Variants in ATM observed in about 807,000 individuals in gnomAD.
ATM encodes ATM serine/threonine kinase.
Under a neutral mutation model 387.0 loss-of-function variants are expected in ATM, and 308 were observed. The observed-to-expected ratio is 0.80, with a 90% confidence interval of 0.73 to 0.87. ATM has a LOEUF of 0.87. ATM is among the 40% of genes least tolerant of loss of function. The pLI is 0.00. For synonymous variants in ATM, 1,156 were observed against 1,187.3 expected, an observed-to-expected ratio of 0.97 and a Z score of 0.54; for missense variants, 3,312 against 3,560.9, an observed-to-expected ratio of 0.93 and a Z score of 1.78.
At chr11:108,248,378 T>A (rs2135282735) in intron 8 of ATM, among the ~76,000 whole-genome samples, 1 of 152,354 alleles carries the variant, frequency 6.6e-6, no homozygotes, top group South Asian at 2.1e-4. Flanking sequence ...TTAGTGCTTT[T>A]AGTAAATGTT....
At chr11:108,281,714 A>G (rs888234483) in intron 24 of ATM, among the ~76,000 whole-genome samples, 9 of 152,180 alleles carry the variant, frequency 5.9e-5, no homozygotes, top group Non-Finnish European at 1.2e-4. Flanking sequence ...TTCCATTGCA[A>G]ATTTTTATGT....
chr11:108,331,177 G>T, intron 50 of ATM: 1 of 1,132,552 alleles, frequency 8.8e-7, no homozygotes. Context: ...TAGATTTTTT[G>T]GAATATAAAC....
chr11:108,334,375 G>A lies in ATM; in HGVS notation c.8010+407G>A, dbSNP rs4988131. ...ATATATCACAGTATTAAGTAATATA[G>A]TATGTATTATTATAATATTAAGCTG... On this transcript the variant is annotated intron_variant, in intron 54 of 62. Coordinates refer to ENST00000675843, the MANE Select transcript of ATM (RefSeq NM_000051.4). Among the ~76,000 whole-genome samples the A allele has an allele frequency of 4.2e-3, 638 of 152,242 alleles. 6 individuals carry two copies. In the South Asian group the frequency reaches 0.046, roughly 11 times the overall value.
At chr11:108,273,349 TTTTTTTTTTG>T (rs2081726557) in intron 22 of ATM, among the ~76,000 whole-genome samples, 1 of 139,378 alleles carries the variant, frequency 7.2e-6, no homozygotes, top group Admixed American at 7.1e-5. Context: ...TTTTTTTTTT[TTTTTTTTTTG>T]AGATGGAGTT....
intron 61 of ATM, 178 bp downstream of exon 61, chr11:108,355,052 T>G: frequency 1.6e-6 from 1 of 612,900 alleles, no homozygotes; most frequent in Non-Finnish European, 2.9e-6. Context: ...AATACTGGTT[T>G]AGAAATGCCT....
At chr11:108,228,495 A>G (rs986910906) in intron 3 of ATM, among the ~76,000 whole-genome samples, 1 of 152,238 alleles carries the variant, frequency 6.6e-6, no homozygotes, top group Admixed American at 6.5e-5. Flanking sequence ...AAATACTGAG[A>G]GTATTAAATA....
At chr11:108,245,850 A>G (rs1279393420) in intron 7 of ATM, among the ~76,000 whole-genome samples, 1 of 138,252 alleles carries the variant, frequency 7.2e-6, no homozygotes, top group Non-Finnish European at 1.5e-5. Context: ...TTTGAGACAG[A>G]GTCTCACTCT....
In ATM at chr11:108,257,546, A is replaced by C. The variant is rs2135407049; in HGVS notation, c.2316A>C (p.Arg772Ser). The C allele has an allele frequency of 6.2e-7, 1 of 1,614,048 alleles. No homozygotes were observed. The highest frequency in any genetic ancestry group is 1.1e-5 in the South Asian group (1 of 91,086). Residue 772 changes from arginine to serine, a missense_variant, in exon 15 of 63, where the codon AGA (arginine) becomes AGC (serine). Around this residue, in one of 4 missense-constraint regions of ATM, gnomAD observed 1,791 missense variants for 1,804.5 expected, o/e 0.99. Transcript: ENST00000675843. ...AAAATAAGACAAATGAGGAATTCAG[A>C]ATTGGTTCCTTGAGAAATATGATGC... ...LFKNKTNEEFRIGSLRNMMQL... is the reference protein window; with the variant it reads ...LFKNKTNEEFSIGSLRNMMQL...
At chr11:108,351,858 T>C (rs1038955618) in intron 59 of ATM, among the ~76,000 whole-genome samples, 2 of 152,226 alleles carry the variant, frequency 1.3e-5, no homozygotes, top group African/African-American at 4.8e-5. Context: ...TGCTAGTCTA[T>C]ATTTTCTAAC....
chr11:108,292,496 A>G lies in ATM; in HGVS notation c.4437-123A>G, dbSNP rs1365791791. On this transcript the variant is annotated intron_variant, in intron 29 of 62. Transcript: ENST00000675843. ...TCTTTTTGGCTTATAAGCCATTAAA[A>G]TATTTATGTCAAGGCATATAAGAAT... 10 of 1,187,556 alleles carry G rather than the reference A, an allele frequency of 8.4e-6. No homozygotes were observed. In the South Asian group the frequency reaches 1.3e-4, roughly 16 times the overall value. 73.6% of individuals were successfully genotyped at this position (1,187,556 alleles called of 1,614,324 possible).
intron 61 of ATM, among the ~76,000 whole-genome samples, chr11:108,359,860 G>A (rs1350833930): frequency 2.0e-5 from 3 of 152,092 alleles, no homozygotes; most frequent in Non-Finnish European, 2.9e-5. Context: ...ATCCAAAACT[G>A]ACACCCTAAC....
Position 108,333,901 on chromosome 11 carries a change from C to A in ATM, c.7943C>A (p.Pro2648Gln). The stretch of plus-strand genomic sequence containing the variant: ...TTAAATACAGAAGGCATAAATATTC[C>A]AGCAGACCAGCCAATTACTAAACTT... ...WKTQRKGINIPADQPITKLKN... is the reference protein window; with the variant it reads ...WKTQRKGINIQADQPITKLKN... The change falls in exon 54 of 63, where the codon CCA becomes CAA. Residue 2648 changes from proline to glutamine, a missense_variant. This residue lies in a region of ATM where 1,405 missense variants were observed against 1,604.4 expected (regional missense o/e 0.88). Transcript: ENST00000675843. 1 of 1,609,406 alleles carries A rather than the reference C, an allele frequency of 6.2e-7. No homozygotes were observed. Among genetic ancestry groups the A allele is most frequent in the South Asian group, 1.1e-5 (1 of 90,970 alleles).
rs1064794874 is a variant in ATM at position 108,284,461 on chromosome 11, A to T, written c.3981A>T (p.Leu1327Phe). The T allele has an allele frequency of 1.2e-6, 2 of 1,613,982 alleles. No individual in the cohort carries two copies. Among genetic ancestry groups the T allele is most frequent in the Non-Finnish European group, 1.7e-6 (2 of 1,179,890 alleles). ...ATGATATGCTTAAAAGTGAAAACTT[A>T]TTGGGAAAACAGGTATGGCTTCAAT... ...KVYDMLKSEN[L>F]LGKQIDHLFI... Residue 1327 changes from leucine (L) to phenylalanine (F), a missense_variant, in exon 26 of 63, where the codon TTA becomes TTT. This residue lies in a region of ATM where 1,791 missense variants were observed against 1,804.5 expected (regional missense o/e 0.99). Coordinates refer to ENST00000675843, the MANE Select transcript of ATM (RefSeq NM_000051.4).
At chr11:108,229,847 AT>A (rs750166641) in intron 4 of ATM, 1,353 of 136,382 alleles carry the variant, frequency 9.9e-3, no homozygotes, top group Middle Eastern at 0.019. Flanking sequence ...TGCCAGGCTG[AT>A]TTTTTTTTTT....
intron 37 of ATM, among the ~76,000 whole-genome samples, chr11:108,306,879 A>T (rs1056747606): frequency 6.6e-6 from 1 of 152,130 alleles, no homozygotes. Context: ...TTACTCTAGA[A>T]ACCTCTCTCA....
At chr11:108,249,188 C>G (rs999613823) in intron 9 of ATM, 86 bp downstream of exon 9, 1 of 1,471,444 alleles carries the variant, frequency 6.8e-7, no homozygotes, top group Non-Finnish European at 9.4e-7. Flanking sequence ...ATCCTTTCAT[C>G]TCAACCAGAA....
At chr11:108,247,381 G>A (rs1375754869) in intron 8 of ATM, among the ~76,000 whole-genome samples, 1 of 152,034 alleles carries the variant, frequency 6.6e-6, no homozygotes, top group Admixed American at 6.6e-5. Context: ...GAAATAAGGT[G>A]ACCCTAACCC....
intron 56 of ATM, chr11:108,336,548 T>C (rs2086880891): frequency 6.5e-6 from 1 of 153,802 alleles, no homozygotes; most frequent in Non-Finnish European, 1.4e-5. Flanking sequence ...ATGTAGTTTT[T>C]TATACAAGTC....
At chr11:108,266,093 A>G (rs372439768) in intron 16 of ATM, among the ~76,000 whole-genome samples, 1 of 151,708 alleles carries the variant, frequency 6.6e-6, no homozygotes, top group African/African-American at 2.4e-5. Flanking sequence ...TCAGGGATCT[A>G]GAACTGGAAA....
Sources: gnomAD v4.1 joint callset for allele counts (sites outside exome capture counted in the v4.1 genomes callset) on GRCh38, gnomAD v4.1.1 for gene constraint, gnomAD v4.1.1 regional missense constraint, MANE v1.5 for transcripts, NCBI Gene and HGNC (gene_info 2026-07-23, HGNC 2026-07-21) for gene names.